The following PTPN14 variants were observed in gnomAD, a reference collection of about 807,000 sequenced individuals.
The protein encoded by PTPN14 is tyrosine-protein phosphatase non-receptor type 14.
A neutral mutation model predicts 126.8 loss-of-function variants in PTPN14; 53 were observed. The observed-to-expected ratio is 0.42, with a 90% CI of 0.34 to 0.53. The LOEUF (loss-of-function observed/expected upper bound fraction) is 0.53, where lower values mean the gene tolerates loss of function less well. PTPN14 is among the 20% of genes least tolerant of loss of function. The pLI is 0.08. For missense variants in PTPN14, 1,257 were observed against 1,552.9 expected, an observed-to-expected ratio of 0.81 and a Z score of 3.20; for synonymous variants, 630 against 599.3, an observed-to-expected ratio of 1.05 and a Z score of -0.75.
intron 3 of PTPN14, among the ~76,000 whole-genome samples, chr1:214,416,941 C>T (rs571545982): frequency 6.6e-6 from 1 of 151,854 alleles, no homozygotes; most frequent in East Asian, 1.9e-4. Flanking sequence ...TAAAATATAA[C>T]AGTGAATTCT....
intron 8 of PTPN14, 90 bp downstream of exon 8, chr1:214,397,823 G>A: frequency 2.9e-6 from 3 of 1,046,236 alleles, no homozygotes; most frequent in Non-Finnish European, 4.3e-6. Context: ...CCACAGTTTG[G>A]CTCTTAACTC....
rs1184976049 is a variant in PTPN14 at position 214,451,934 on chromosome 1, T to C, written c.215A>G (p.Gln72Arg). The C allele has an allele frequency of 7.4e-6, 12 of 1,614,158 alleles. No homozygotes were observed. The highest frequency in any genetic ancestry group is 1.0e-5 in the Non-Finnish European group (12 of 1,180,024). Residue 72 changes from glutamine (Q) to arginine (R), a missense_variant, in exon 3 of 19, where the codon CAA becomes CGA. This residue lies in a region of PTPN14 where 1,021 missense variants were observed against 1,183.3 expected (regional missense o/e 0.86). Transcript: ENST00000366956. Reference protein sequence around the residue: ...FGLWFLSKSQQARWVELEKPL... With the variant: ...FGLWFLSKSQRARWVELEKPL... ...TTTCTCCAGCTCCACCCATCGTGCT[T>C]GCTGGCTCTTGCTGAGAAACCAAAG...
chr1:214,538,074 C>T (rs1655750213), intron 1 of PTPN14, among the ~76,000 whole-genome samples: 1 of 152,146 alleles, frequency 6.6e-6, no homozygotes, highest in Non-Finnish European at 1.5e-5. Context: ...GCTAAACAGC[C>T]ACATGGGGCT....
At chr1:214,449,846 TAAAAAA>T (rs5780781) in intron 3 of PTPN14, among the ~76,000 whole-genome samples, 3,149 of 146,732 alleles carry the variant, frequency 0.021, 110 homozygotes, top group African/African-American at 0.074. Context: ...AAAATAAAAA[TAAAAAA>T]AAAAGGAAAG....
intron 1 of PTPN14, among the ~76,000 whole-genome samples, chr1:214,542,669 G>T (rs184029244): frequency 2.0e-5 from 3 of 152,314 alleles, no homozygotes; most frequent in African/African-American, 7.2e-5. Context: ...GGCTTGGAGG[G>T]ATGGTTTTGA....
At chr1:214,547,649 G>A (rs1272414570) in intron 1 of PTPN14, among the ~76,000 whole-genome samples, 1 of 152,164 alleles carries the variant, frequency 6.6e-6, no homozygotes, top group Non-Finnish European at 1.5e-5. Flanking sequence ...TCTAGTTAAA[G>A]GCAGACAGAG....
At chr1:214,484,106 A>G (rs1661060742) in intron 1 of PTPN14, among the ~76,000 whole-genome samples, 1 of 152,236 alleles carries the variant, frequency 6.6e-6, no homozygotes, top group Admixed American at 6.5e-5. Flanking sequence ...AATCCAGTCA[A>G]TCATTAGGAA....
At chr1:214,407,658 A>C (rs1050629771) in intron 5 of PTPN14, among the ~76,000 whole-genome samples, 2 of 152,174 alleles carry the variant, frequency 1.3e-5, no homozygotes, top group Non-Finnish European at 2.9e-5. Flanking sequence ...TCAAAACCTA[A>C]AACCTTTGTC....
At position 214,483,735 on chromosome 1, in the gene PTPN14, C is replaced by T. The variant is rs575851105; in HGVS notation, c.-154-18778G>A. Among the ~76,000 whole-genome samples the T allele has an allele frequency of 2.0e-5, 3 of 152,260 alleles. No individual in the cohort carries two copies. The East Asian group carries it at 5.8e-4, about 29-fold the overall frequency. On this transcript the variant is annotated intron_variant, in intron 1 of 18. Transcript: ENST00000366956. ...GATATAAATAATCCTACCTTTCTTA[C>T]TTTTTCTTTTTAGGTATTATTTCTT...
intron 1 of PTPN14, among the ~76,000 whole-genome samples, chr1:214,525,777 T>G (rs1655376624): frequency 6.6e-6 from 1 of 152,060 alleles, no homozygotes; most frequent in Admixed American, 6.6e-5. Context: ...AGCTAATTAG[T>G]GACTTGGGAC....
chr1:214,490,680 T>C (rs1283968909), intron 1 of PTPN14, among the ~76,000 whole-genome samples: 1 of 151,150 alleles, frequency 6.6e-6, no homozygotes, highest in Non-Finnish European at 1.5e-5. Flanking sequence ...CTACTAAAAA[T>C]ACAAAAGTTA....
intron 5 of PTPN14, 22 bp downstream of exon 5, chr1:214,411,662 A>C: frequency 7.0e-7 from 1 of 1,437,990 alleles, no homozygotes; most frequent in Non-Finnish European, 9.5e-7. Context: ...AAATTAATTA[A>C]GAAAAATGAA....
chr1:214,401,360 A>C (rs1391234462), intron 7 of PTPN14, among the ~76,000 whole-genome samples: 1 of 152,250 alleles, frequency 6.6e-6, no homozygotes, highest in Non-Finnish European at 1.5e-5. Flanking sequence ...AGTCTTCATT[A>C]ATGTTACACA....
At chr1:214,550,289 G>A (rs1017287368) in intron 1 of PTPN14, among the ~76,000 whole-genome samples, 25 of 152,334 alleles carry the variant, frequency 1.6e-4, no homozygotes, top group Admixed American at 7.2e-4. Context: ...TGGAAACTCT[G>A]TAACTGCCCG....
intron 5 of PTPN14, among the ~76,000 whole-genome samples, chr1:214,406,631 ACAATGT>A (rs1473954194): frequency 6.6e-6 from 1 of 152,212 alleles, no homozygotes; most frequent in East Asian, 1.9e-4. Context: ...TCCAAGAATA[ACAATGT>A]CAATATCTGT....
At chr1:214,360,491 G>T (rs1657931387) in intron 18 of PTPN14, among the ~76,000 whole-genome samples, 1 of 152,198 alleles carries the variant, frequency 6.6e-6, no homozygotes. Flanking sequence ...AAATTATATT[G>T]CAAAGTGACC....
At chr1:214,457,314 T>C (rs1418970249) in intron 2 of PTPN14, among the ~76,000 whole-genome samples, 1 of 152,224 alleles carries the variant, frequency 6.6e-6, no homozygotes, top group Non-Finnish European at 1.5e-5. Context: ...GATTATAGTT[T>C]GGTTTTTAAA....
At chr1:214,531,780 A>C (rs1655556001) in intron 1 of PTPN14, 1 of 152,214 alleles carries the variant, frequency 6.6e-6, no homozygotes, top group African/African-American at 2.4e-5. Flanking sequence ...TACAGTCAGT[A>C]ATAAAAAGTT....
At chr1:214,419,656 T>G (rs1659499575) in intron 3 of PTPN14, among the ~76,000 whole-genome samples, 1 of 152,072 alleles carries the variant, frequency 6.6e-6, no homozygotes, top group African/African-American at 2.4e-5. Context: ...TGTTATATTC[T>G]GCAAATGGAA....
Sources: allele counts gnomAD v4.1 joint callset (sites outside exome capture counted in the v4.1 genomes callset), GRCh38; gene constraint gnomAD v4.1.1; regional missense constraint gnomAD v4.1.1; transcripts MANE v1.5; gene names NCBI Gene and HGNC (gene_info 2026-07-23, HGNC 2026-07-21).